FHIT: variants seen among roughly 807,000 people sequenced by gnomAD.
FHIT encodes the protein fragile histidine triad diadenosine triphosphatase.
In FHIT, 19 loss-of-function variants were observed where a neutral mutation model predicts 17.9. The ratio of observed to expected loss-of-function variants is 1.06; its 90% CI spans 0.74 to 1.56. FHIT has a LOEUF of 1.56. Ranked by LOEUF, FHIT falls within the 40% of genes most tolerant of loss-of-function variation. The pLI is 0.00. For missense variants in FHIT, 248 were observed against 189.2 expected (o/e 1.31, Z -1.82); for synonymous variants, 81 against 69.7 (o/e 1.16, Z -0.81).
In FHIT at chr3:61,131,261, A is replaced by T. The variant is rs114728547; in HGVS notation, c.-164+69356T>A. ...ACTCAGTACTCTAGAAGCAAAACTC[A>T]TCTTTCTCCTACTCTACCTTCCTAT... is the stretch of plus-strand genomic sequence containing the variant. On this transcript the variant is annotated intron_variant, in intron 2 of 9. Coordinates refer to ENST00000492590, the MANE Select transcript of FHIT (RefSeq NM_002012.4). Among the ~76,000 whole-genome samples, 918 of 152,332 alleles carry T rather than the reference A, an allele frequency of 6.0e-3. 8 individuals are homozygous for T. Among genetic ancestry groups the T allele is most frequent in the African/African-American group, 0.021 (884 of 41,576 alleles).
At chr3:60,944,887 C>T (rs1708574136) in intron 3 of FHIT, among the ~76,000 whole-genome samples, 1 of 152,146 alleles carries the variant, frequency 6.6e-6, no homozygotes, top group South Asian at 2.1e-4. Flanking sequence ...ATGTTAAATA[C>T]TTCATCAATA....
At chr3:59,881,296 C>A (rs573756348) in intron 8 of FHIT, among the ~76,000 whole-genome samples, 4 of 152,280 alleles carry the variant, frequency 2.6e-5, no homozygotes, top group Admixed American at 6.5e-5. Context: ...TTTTGCTACA[C>A]TGGCCAAGTA....
intron 4 of FHIT, among the ~76,000 whole-genome samples, chr3:60,545,866 C>CCT (rs1553646470): frequency 1.3e-5 from 2 of 152,084 alleles, no homozygotes; most frequent in Non-Finnish European, 2.9e-5. Flanking sequence ...CCAAATCTCT[C>CCT]TTTGTCTCAT....
intron 5 of FHIT, 36 bp downstream of exon 5, chr3:60,536,824 T>C (rs750228768): frequency 1.3e-6 from 2 of 1,571,044 alleles, no homozygotes; most frequent in Non-Finnish European, 1.7e-6. Context: ...CAGAAGACTT[T>C]TATTTTCCCT....
chr3:59,852,942 G>A (rs1575590744), intron 8 of FHIT, among the ~76,000 whole-genome samples: 1 of 152,108 alleles, frequency 6.6e-6, no homozygotes, highest in East Asian at 1.9e-4. Context: ...GAATTTCTTG[G>A]TGGCTTCCAT....
At chr3:60,231,996 T>C (rs995747568) in intron 5 of FHIT, among the ~76,000 whole-genome samples, 2 of 152,282 alleles carry the variant, frequency 1.3e-5, no homozygotes, top group East Asian at 3.9e-4. Context: ...CAGATAACCA[T>C]GAGCAACAAT....
intron 8 of FHIT, among the ~76,000 whole-genome samples, chr3:59,894,962 G>C (rs1387887257): frequency 1.3e-5 from 2 of 152,212 alleles, no homozygotes; most frequent in Non-Finnish European, 2.9e-5. Context: ...TTCAGAACTT[G>C]GCTACACTGT....
chr3:60,147,825 G>A (rs199789728), intron 5 of FHIT, among the ~76,000 whole-genome samples: 4 of 152,174 alleles, frequency 2.6e-5, no homozygotes, highest in South Asian at 4.1e-4. Flanking sequence ...TGCAGTTGTC[G>A]AACGACCTCG....
chr3:60,051,326 C>CCTTT (rs1553664922), intron 5 of FHIT, among the ~76,000 whole-genome samples: 1 of 131,904 alleles, frequency 7.6e-6, no homozygotes, highest in African/African-American at 2.8e-5. Context: ...ATTTAGGATG[C>CCTTT]TTTTTTTTTT....
At chr3:60,497,364 A>G (rs1172144539) in intron 5 of FHIT, among the ~76,000 whole-genome samples, 1 of 152,224 alleles carries the variant, frequency 6.6e-6, no homozygotes, top group Non-Finnish European at 1.5e-5. Context: ...AAATTTTTTA[A>G]GAAGGACTGC....
intron 3 of FHIT, among the ~76,000 whole-genome samples, chr3:60,826,400 C>A (rs542992236): frequency 2.3e-4 from 35 of 152,326 alleles, no homozygotes; most frequent in African/African-American, 6.3e-4. Context: ...AATCTCGGCT[C>A]ACTGCAATCT....
chr3:60,856,105 A>G lies in FHIT; in HGVS notation c.-110-34094T>C, dbSNP rs151250705. Among the ~76,000 whole-genome samples, 605 of 152,272 alleles carry G rather than the reference A, an allele frequency of 4.0e-3. 8 individuals carry two copies. Among genetic ancestry groups the G allele is most frequent in the African/African-American group, 0.014 (567 of 41,556 alleles). ...CCCAACATGTTATTTAGCAAAGAAT[A>G]TGGAGGAGAGGCAGAAGACTGTGAT... is the stretch of plus-strand genomic sequence containing the variant. On this transcript the variant is annotated intron_variant, in intron 3 of 9. Coordinates refer to ENST00000492590, the MANE Select transcript of FHIT (RefSeq NM_002012.4).
rs915084587 is a variant in FHIT, at chr3:59,821,755, TAAA to T, written c.349-69437_349-69435del. 2.8e-4 allele frequency among the ~76,000 whole-genome samples: 42 copies of T among 151,972 alleles called. No homozygotes were observed. The Middle Eastern group carries it at 0.01, about 37-fold the overall frequency. On this transcript the variant is annotated intron_variant, in intron 8 of 9. Transcript: ENST00000492590. ...GCTCCTGGTTCTTAGAGTTTTTTTT[TAAA>T]AAAAATATATAAATGATCTGCATTT... is the stretch of plus-strand genomic sequence containing the variant.
intron 5 of FHIT, among the ~76,000 whole-genome samples, chr3:60,354,110 CCTATG>C (rs1452984862): frequency 5.3e-5 from 8 of 152,070 alleles, no homozygotes; most frequent in Middle Eastern, 3.4e-3. Flanking sequence ...ACAATAGACT[CCTATG>C]CTATAATTAA....
At chr3:60,635,118 G>T (rs1444728841) in intron 4 of FHIT, among the ~76,000 whole-genome samples, 1 of 152,116 alleles carries the variant, frequency 6.6e-6, no homozygotes, top group Non-Finnish European at 1.5e-5. Context: ...AGATCTTAGG[G>T]ACACAAACTA....
intron 4 of FHIT, among the ~76,000 whole-genome samples, chr3:60,652,303 T>A (rs998610568): frequency 3.9e-5 from 6 of 152,166 alleles, no homozygotes; most frequent in Non-Finnish European, 8.8e-5. Context: ...ATCATTAGTG[T>A]TAAAACCTCA....
At chr3:60,215,714 A>T (rs1364026515) in intron 5 of FHIT, among the ~76,000 whole-genome samples, 1 of 152,208 alleles carries the variant, frequency 6.6e-6, no homozygotes, top group African/African-American at 2.4e-5. Flanking sequence ...TTTAGCAATC[A>T]CCTTGGTTGA....
chr3:60,154,895 TA>T (rs1700611850), intron 5 of FHIT, among the ~76,000 whole-genome samples: 1 of 152,064 alleles, frequency 6.6e-6, no homozygotes, highest in Non-Finnish European at 1.5e-5. Context: ...AGCACCAAGT[TA>T]GGTTGTTCAA....
At chr3:61,019,870 T>C (rs2032317235) in intron 3 of FHIT, among the ~76,000 whole-genome samples, 2 of 151,846 alleles carry the variant, frequency 1.3e-5, no homozygotes, top group African/African-American at 2.4e-5. Context: ...GATTTTCTCT[T>C]TTTTTTTAAT....
Sources: allele counts gnomAD v4.1 joint callset (sites outside exome capture counted in the v4.1 genomes callset), GRCh38; gene constraint gnomAD v4.1.1; transcripts MANE v1.5; gene names NCBI Gene and HGNC (gene_info 2026-07-23, HGNC 2026-07-21).